Variants in POMT1 observed in about 807,000 individuals in gnomAD.
POMT1 encodes protein O-mannosyl-transferase 1.
In POMT1, 85 loss-of-function variants were observed where a neutral mutation model predicts 101.6. The observed-to-expected ratio is 0.84, with a 90% CI of 0.70 to 1.00. POMT1 has a LOEUF of 1.00. Among genes scored for constraint, POMT1 ranks in the 50% least tolerant of loss-of-function variants. The pLI, the probability that POMT1 is intolerant of heterozygous loss-of-function variation, is 0.00. For synonymous variants in POMT1, 371 were observed against 383.0 expected (o/e 0.97, Z 0.37); for missense variants, 857 against 930.4 (o/e 0.92, Z 1.03).
At chr9:131,507,839 C>T (rs1326952994) in intron 5 of POMT1, among the ~76,000 whole-genome samples, 4 of 152,222 alleles carry the variant, frequency 2.6e-5, no homozygotes, top group Non-Finnish European at 5.9e-5. Flanking sequence ...CACCACCTCC[C>T]AGGCCTTGGC....
At chr9:131,509,707 C>A (rs763494833) in intron 6 of POMT1, 36 bp from the exon 7 acceptor site, 2 of 1,614,168 alleles carry the variant, frequency 1.2e-6, no homozygotes, top group Non-Finnish European at 1.7e-6. Flanking sequence ...TGTGTCTGAA[C>A]TATTTCTGTC....
At chr9:131,512,714 T>C (rs10751484) in intron 11 of POMT1, among the ~76,000 whole-genome samples, 134,961 of 152,110 alleles carry the variant, frequency 0.89, 60,588 homozygotes, top group South Asian at 0.97. Flanking sequence ...CGGGTTCAAG[T>C]GATTCTCCTG....
chr9:131,518,271 C>T, intron 13 of POMT1, 174 bp from the exon 14 acceptor site: 2 of 755,256 alleles, frequency 2.6e-6, no homozygotes, highest in Middle Eastern at 4.6e-4. Flanking sequence ...GCCCGGGGTG[C>T]TGTGGGCATT....
chr9:131,513,849 C>G (rs1947683810), intron 12 of POMT1, among the ~76,000 whole-genome samples: 1 of 152,148 alleles, frequency 6.6e-6, no homozygotes, highest in South Asian at 2.1e-4. Context: ...CTCTCTCCAC[C>G]GCCTCCTTTT....
chr9:131,511,838 T>A, intron 10 of POMT1: 1 of 627,154 alleles, frequency 1.6e-6, no homozygotes, highest in Non-Finnish European at 2.8e-6. Flanking sequence ...GTGGGCCCGA[T>A]CGATGACCCA....
chr9:131,521,999 G>A (rs201896363), intron 18 of POMT1, 48 bp from the exon 19 acceptor site: 135 of 1,611,920 alleles, frequency 8.4e-5, no homozygotes, highest in Middle Eastern at 5.0e-4. Context: ...GAGAAGACCC[G>A]GCCTGTGGGA....
At position 131,518,247 on chromosome 9, in the gene POMT1, C is replaced by T. The variant is rs760774315; in HGVS notation, c.1273-198C>T. ...CGAGGAGGAGGGTGCACTTCCCCAG[C>T]GACCCTCGGAGCAGCCCGGGGTGCT... On this transcript the variant is annotated intron_variant, in intron 13 of 19. Transcript: ENST00000402686. 49 of 697,204 alleles carry T rather than the reference C, an allele frequency of 7.0e-5. 1 individual carries two copies. The highest frequency in any genetic ancestry group is 5.7e-4 in the Admixed American group (28 of 49,270). The allele number at this position is 697,204 out of a possible 1,614,324, so 43.2% of individuals were successfully genotyped here. A position where few individuals can be genotyped will look rare whatever the true frequency, so the allele number is the denominator to read the frequency against.
chr9:131,521,767 G>A (rs1262526912), intron 18 of POMT1, among the ~76,000 whole-genome samples: 6 of 152,226 alleles, frequency 3.9e-5, no homozygotes, highest in African/African-American at 1.4e-4. Flanking sequence ...GGTGTCTCCA[G>A]TCGAGTGCAG....
rs1438891099 is a variant in POMT1, at chr9:131,521,332, C to G, written c.1699-14C>G. The G allele has an allele frequency of 6.2e-7, 1 of 1,614,164 alleles. No individual in the cohort carries two copies. The highest frequency in any genetic ancestry group is 8.5e-7 in the Non-Finnish European group (1 of 1,180,008). On this transcript the variant is annotated splice_polypyrimidine_tract_variant and intron_variant, in intron 17 of 19. Coordinates refer to ENST00000402686, the MANE Select transcript of POMT1 (RefSeq NM_001077365.2). ...GAGGGCAGGTGGCTAACAGCATCTC[C>G]CATGTTCCCTTAGGCTCAGATCCAC...
At chr9:131,512,327 C>A (rs923672655) in intron 11 of POMT1, among the ~76,000 whole-genome samples, 191 bp downstream of exon 11, 1 of 152,192 alleles carries the variant, frequency 6.6e-6, no homozygotes, top group African/African-American at 2.4e-5. Flanking sequence ...AGTGAGCAGC[C>A]TGCTCAGTAG....
intron 11 of POMT1, among the ~76,000 whole-genome samples, chr9:131,512,786 AT>A (rs1305754958): frequency 6.6e-6 from 1 of 151,824 alleles, no homozygotes; most frequent in African/African-American, 2.4e-5. Flanking sequence ...TAATTTTTGT[AT>A]TTTTAGTAGA....
intron 18 of POMT1, 36 bp downstream of exon 18, chr9:131,521,508 A>G (rs1949912744): frequency 1.2e-6 from 2 of 1,605,448 alleles, no homozygotes; most frequent in Admixed American, 1.7e-5. Context: ...CTTTCTTTTT[A>G]ATATAGACAT....
At chr9:131,518,264 C>G (rs199532245) in intron 13 of POMT1, 181 bp from the exon 14 acceptor site, 2 of 740,186 alleles carry the variant, frequency 2.7e-6, no homozygotes, top group African/African-American at 3.4e-5. Context: ...CGGAGCAGCC[C>G]GGGGTGCTGT....
At chr9:131,514,277 G>A (rs1177252361) in intron 12 of POMT1, among the ~76,000 whole-genome samples, 2 of 152,076 alleles carry the variant, frequency 1.3e-5, no homozygotes, top group South Asian at 2.1e-4. Flanking sequence ...CCCGTCACCC[G>A]CCAAGGTCCC....
rs3739493 is a variant in POMT1, at chr9:131,511,746, T to C, written c.986+279T>C. On this transcript the variant is annotated intron_variant, in intron 10 of 19. Coordinates refer to ENST00000402686, the MANE Select transcript of POMT1 (RefSeq NM_001077365.2). ...TGATTTCGGCTCCTTGTCTGTGGTA[T>C]CTTCATTTTCCCTGAAACCCCTTGC... The C allele has an allele frequency of 0.93, 535,805 of 577,896 alleles. 249,775 individuals carry two copies. The highest frequency in any genetic ancestry group is 0.97 in the South Asian group (47,647 of 49,110). The allele number at this position is 577,896 out of a possible 1,614,324, so 35.8% of individuals were successfully genotyped here.
chr9:131,522,187 CCT>C lies in POMT1; in HGVS notation c.1967_1968del (p.Pro656ArgfsTer52). On this transcript the variant is annotated frameshift_variant, in exon 19 of 20. Transcript: ENST00000402686. LOFTEE classifies it high-confidence loss of function. This position sits in a 1 kb window ranked among gnomAD's most constrained non-coding sequence, Gnocchi z 5.5. The stretch of plus-strand genomic sequence containing the variant: ...ACTCACCTTCCAAATCCTTCTGCTC[CCT>C]GTGGTCCTGCAGCACATCAGCGACC... ...PALTFQILLLPVVLQHISDHL... is the reference protein window; with the variant it reads ...PALTFQILLLXVVLQHISDHL... 6.2e-7 allele frequency: 1 copy of C among 1,614,086 alleles called. No homozygotes were observed. The highest frequency in any genetic ancestry group is 8.5e-7 in the Non-Finnish European group (1 of 1,180,042).
chr9:131,513,027 C>T (rs938384712), intron 11 of POMT1, among the ~76,000 whole-genome samples: 1 of 152,210 alleles, frequency 6.6e-6, no homozygotes, highest in African/African-American at 2.4e-5. Context: ...GTGATGACCG[C>T]GGGTAGAATC....
At position 131,519,415 on chromosome 9, in the gene POMT1, G is replaced by A. The variant is rs1302861541; in HGVS notation, c.1513G>A (p.Glu505Lys). Reference sequence around the variant, plus strand: ...CCAGGAGCAGAGGGAGCGGGAACGGGAGCTGCACTCACCTGCGCAGGTGGA... The same window carrying A: ...CCAGGAGCAGAGGGAGCGGGAACGGAAGCTGCACTCACCTGCGCAGGTGGA... ...ASQEQRERER[E>K]LHSPAQVDVS... The change falls in exon 16 of 20, where the codon GAG (glutamate) becomes AAG (lysine). Residue 505 changes from glutamate to lysine, a missense_variant. Transcript: ENST00000402686. The surrounding 1 kb of genome is among the most constrained non-coding windows in gnomAD (Gnocchi z 4.3). The A allele has an allele frequency of 1.9e-6, 3 of 1,552,012 alleles. No homozygotes were observed. In the African/African-American group the frequency reaches 4.1e-5, roughly 21 times the overall value.
chr9:131,506,098 TTG>T lies in POMT1; in HGVS notation c.123-14_123-13del, dbSNP rs1945744983. Reference sequence around the variant, plus strand: ...TTCTAATTGAATATAATATGGGTTGTTGTTTTTTTTTCTAGTTTTGACGAAGT... The same window carrying T: ...TTCTAATTGAATATAATATGGGTTGTTTTTTTTTTCTAGTTTTGACGAAGT... On this transcript the variant is annotated splice_polypyrimidine_tract_variant and intron_variant, in intron 2 of 19. Coordinates refer to ENST00000402686, the MANE Select transcript of POMT1 (RefSeq NM_001077365.2). 1 of 1,609,812 alleles carries T rather than the reference TTG, an allele frequency of 6.2e-7. No individual in the cohort carries two copies. Among genetic ancestry groups the T allele is most frequent in the South Asian group, 1.1e-5 (1 of 90,994 alleles).
Sources: gnomAD v4.1 joint callset for allele counts (sites outside exome capture counted in the v4.1 genomes callset) on GRCh38, gnomAD v4.1.1 for gene constraint, Gnocchi (gnomAD v3.1) non-coding constraint, MANE v1.5 for transcripts, NCBI Gene and HGNC (gene_info 2026-07-23, HGNC 2026-07-21) for gene names.